Variants in SNW1 observed in about 807,000 individuals in gnomAD.
The protein encoded by SNW1 is SNW domain containing 1.
A neutral mutation model predicts 75.6 loss-of-function variants in SNW1; 9 were observed. The observed-to-expected ratio is 0.12, with a 90% CI of 0.07 to 0.21. The LOEUF is 0.21. SNW1 is among the 10% of genes least tolerant of loss of function. SNW1 has a pLI of 1.00. For synonymous variants in SNW1, 200 were observed against 219.1 expected (o/e 0.91, Z 0.77); for missense variants, 409 against 670.9 (o/e 0.61, Z 4.31).
At chr14:77,755,790 G>C (rs2080838583) in intron 1 of SNW1, among the ~76,000 whole-genome samples, 1 of 150,488 alleles carries the variant, frequency 6.6e-6, no homozygotes, top group African/African-American at 2.5e-5. Context: ...CTAGGCTAGA[G>C]TGCAGTGGCA....
At position 77,720,013 on chromosome 14, in the gene SNW1, C is replaced by G. The variant is rs114057249; in HGVS notation, c.1248+698G>C. On this transcript the variant is annotated intron_variant, in intron 12 of 13. Coordinates refer to ENST00000261531, the MANE Select transcript of SNW1 (RefSeq NM_012245.3). ...GCTAATGGCAATTGGTACTAGAAAT[C>G]AGATTTCCTGACAGCCAGCCTAGTA... Among the ~76,000 whole-genome samples, 1,341 of 152,344 alleles carry G rather than the reference C, an allele frequency of 8.8e-3. 16 individuals are homozygous for G. Among genetic ancestry groups the G allele is most frequent in the African/African-American group, 0.031 (1,289 of 41,574 alleles).
intron 3 of SNW1, among the ~76,000 whole-genome samples, chr14:77,747,697 G>A (rs2080772953): frequency 6.8e-6 from 1 of 147,316 alleles, no homozygotes; most frequent in Non-Finnish European, 1.5e-5. Flanking sequence ...CCCCGTCCAG[G>A]AGGGAGGTGC....
intron 1 of SNW1, 175 bp downstream of exon 1, chr14:77,760,939 C>A: frequency 6.9e-7 from 1 of 1,451,542 alleles, no homozygotes. Context: ...TGAAAGACCC[C>A]AGCTTCGACT....
At chr14:77,751,274 GT>G (rs951556316) in intron 3 of SNW1, 44 bp downstream of exon 3, 1 of 1,550,494 alleles carries the variant, frequency 6.4e-7, no homozygotes, top group African/African-American at 1.4e-5. Context: ...AATTTAAAAT[GT>G]TTCCTAAAAT....
At chr14:77,738,916 G>A (rs1326581689) in intron 4 of SNW1, 32 bp from the exon 5 acceptor site, 1 of 1,609,818 alleles carries the variant, frequency 6.2e-7, no homozygotes, top group African/African-American at 1.3e-5. Context: ...TGAGAGTTTG[G>A]AAGTTAATCA....
intron 2 of SNW1, 71 bp from the exon 3 acceptor site, chr14:77,751,551 A>G: frequency 7.8e-7 from 1 of 1,282,174 alleles, no homozygotes. Flanking sequence ...CATTCATTCA[A>G]CAAGTAATTG....
Position 77,735,987 on chromosome 14 carries a change from G to A in SNW1, c.658C>T (p.Arg220Trp), listed in dbSNP as rs761933146. 5 of 1,613,266 alleles carry A rather than the reference G, an allele frequency of 3.1e-6. No homozygotes were observed. The highest frequency in any genetic ancestry group is 3.3e-5 in the Admixed American group (2 of 59,988). ...GGCGCAGGAGGAGAAGGTGGTCCCC[G>A]GGGAATTTTCTTATTAATCCTGAAG... ...PRFKINKKIPRGPPSPPAPVM... is the reference protein window; with the variant it reads ...PRFKINKKIPWGPPSPPAPVM... The change falls in exon 7 of 14, where the codon CGG (arginine) becomes TGG (tryptophan). Residue 220 changes from arginine (R) to tryptophan (W), a missense_variant. By Grantham distance (101) the Arg-to-Trp change is moderately radical. Coordinates refer to ENST00000261531, the MANE Select transcript of SNW1 (RefSeq NM_012245.3).
At chr14:77,760,974 C>T (rs1057151396) in intron 1 of SNW1, 140 bp downstream of exon 1, 3 of 1,592,834 alleles carry the variant, frequency 1.9e-6, no homozygotes, top group Non-Finnish European at 2.6e-6. Context: ...CGGCGGCCAG[C>T]GGGAGGGCGT....
At chr14:77,746,676 C>A (rs754964520) in intron 3 of SNW1, among the ~76,000 whole-genome samples, 1 of 151,130 alleles carries the variant, frequency 6.6e-6, no homozygotes, top group African/African-American at 2.4e-5. Flanking sequence ...AACCATGCCA[C>A]GGAATCCTAT....
At chr14:77,757,949 TCTATCGCAA>T (rs1198733536) in intron 1 of SNW1, among the ~76,000 whole-genome samples, 7 of 134,708 alleles carry the variant, frequency 5.2e-5, no homozygotes, top group Non-Finnish European at 3.2e-5. Context: ...TATCTATCTA[TCTATCGCAA>T]TCAATCAATC....
intron 7 of SNW1, 83 bp from the exon 8 acceptor site, chr14:77,735,095 A>C: frequency 1.0e-6 from 1 of 964,762 alleles, no homozygotes; most frequent in African/African-American, 1.6e-5. Context: ...CTTCAAAGAC[A>C]GCTCCATATA....
chr14:77,749,253 A>T (rs552286639), intron 3 of SNW1, among the ~76,000 whole-genome samples: 4 of 152,320 alleles, frequency 2.6e-5, no homozygotes. Context: ...AAAAATATAT[A>T]AAGAGAATGT....
chr14:77,721,263 C>A (rs866363328), intron 11 of SNW1, among the ~76,000 whole-genome samples: 34 of 152,082 alleles, frequency 2.2e-4, no homozygotes, highest in African/African-American at 8.2e-4. Context: ...GTAATTTTAT[C>A]CCACTAGAAT....
At position 77,717,799 on chromosome 14, in the gene SNW1, A is replaced by G; in HGVS notation, c.*289T>C. The G allele has an allele frequency of 1.7e-6, 1 of 581,236 alleles. No individual in the cohort carries two copies. Among genetic ancestry groups the G allele is most frequent in the Non-Finnish European group, 3.0e-6 (1 of 330,794 alleles). 36.0% of individuals were successfully genotyped at this position (581,236 alleles called of 1,614,324 possible). ...TTCTTACACAAAACATTAACCCCAA[A>G]CTACTAGTGTCACATAAAAGTAAGT... On this transcript the variant is annotated 3_prime_UTR_variant, in exon 14 of 14. Transcript: ENST00000261531.
intron 1 of SNW1, 178 bp downstream of exon 1, chr14:77,760,936 C>A (rs2080885465): frequency 1.4e-6 from 2 of 1,430,362 alleles, no homozygotes; most frequent in African/African-American, 1.4e-5. Flanking sequence ...CGCTGAAAGA[C>A]CCCAGCTTCG....
In SNW1 at chr14:77,718,289, A is replaced by G. The variant is rs1404040421; in HGVS notation, c.1413-3T>C. 2 of 1,613,908 alleles carry G rather than the reference A, an allele frequency of 1.2e-6. No individual in the cohort carries two copies. The highest frequency in any genetic ancestry group is 2.2e-5 in the East Asian group (1 of 44,864). ...AAAACTCCTTGTCGGGAACAAATCTAAGGAAAAGGAGAAAAAACTATGAAC... is the reference window on the plus strand; with the variant it reads ...AAAACTCCTTGTCGGGAACAAATCTGAGGAAAAGGAGAAAAAACTATGAAC... On this transcript the variant is annotated splice_polypyrimidine_tract_variant and splice_region_variant and intron_variant, in intron 13 of 13. Coordinates refer to ENST00000261531, the MANE Select transcript of SNW1 (RefSeq NM_012245.3).
intron 1 of SNW1, among the ~76,000 whole-genome samples, chr14:77,757,955 G>A (rs865789949): frequency 8.3e-6 from 1 of 120,002 alleles, no homozygotes; most frequent in South Asian, 2.9e-4. Flanking sequence ...TCTATCTATC[G>A]CAATCAATCA....
intron 5 of SNW1, among the ~76,000 whole-genome samples, chr14:77,738,435 C>A (rs2080691316): frequency 6.6e-6 from 1 of 152,062 alleles, no homozygotes; most frequent in Non-Finnish European, 1.5e-5. Flanking sequence ...ACAGCGAGAC[C>A]CTGTCTCTAC....
Position 77,717,900 on chromosome 14 carries a change from T to C in SNW1, c.*188A>G, listed in dbSNP as rs576054956. On this transcript the variant is annotated 3_prime_UTR_variant, in exon 14 of 14. Transcript: ENST00000261531. ...GGAGAAGCACAAACACAACCCACTC[T>C]TTAAAAAAAACTAAATAATTCAAAG... 5.3e-6 allele frequency: 3 copies of C among 567,234 alleles called. No homozygotes were observed. The East Asian group carries it at 8.6e-5, about 16-fold the overall frequency. The allele number at this position is 567,234 out of a possible 1,614,324, so 35.1% of individuals were successfully genotyped here. A position where few individuals can be genotyped will look rare whatever the true frequency, so the allele number is the denominator to read the frequency against.
Sources: gnomAD v4.1 joint callset for allele counts (sites outside exome capture counted in the v4.1 genomes callset) on GRCh38, gnomAD v4.1.1 for gene constraint, MANE v1.5 for transcripts, NCBI Gene and HGNC (gene_info 2026-07-23, HGNC 2026-07-21) for gene names.